Variants in ADAM8 observed in about 807,000 individuals in gnomAD.
ADAM8 encodes the protein disintegrin and metalloproteinase domain-containing protein 8.
Under a neutral mutation model 102.4 loss-of-function variants are expected in ADAM8, and 104 were observed. The observed-to-expected ratio is 1.02, with a 90% confidence interval of 0.87 to 1.20. The LOEUF is 1.20. ADAM8 is among the 50% of genes most tolerant of loss of function. ADAM8 has a pLI of 0.00. For synonymous variants in ADAM8, 517 were observed against 485.2 expected (o/e 1.07, Z -0.86); for missense variants, 1,132 against 1,159.0 (o/e 0.98, Z 0.34).
In ADAM8 at chr10:133,273,808, C is replaced by G. The variant is rs1469794620; in HGVS notation, c.337G>C (p.Gly113Arg). 1 of 1,549,332 alleles carries G rather than the reference C, an allele frequency of 6.5e-7. No homozygotes were observed. Among genetic ancestry groups the G allele is most frequent in the Non-Finnish European group, 8.7e-7 (1 of 1,146,838 alleles). Reference sequence around the variant, plus strand: ...AGGCTGGCGGCTGAGTCCGGGTACCCCTCTACGTGGCCCTGGTAGAAGCAG... The same window carrying G: ...AGGCTGGCGGCTGAGTCCGGGTACCGCTCTACGTGGCCCTGGTAGAAGCAG... ...DHCFYQGHVE[G>R]YPDSAASLST... The change falls in exon 5 of 23, where the codon GGG becomes CGG. Residue 113 changes from glycine to arginine, a missense_variant. Transcript: ENST00000445355.
chr10:133,271,706 C>A lies in ADAM8; in HGVS notation c.1107-1G>T, dbSNP rs1175332544. ...ACTGAACATCCTGGGGAAACTGGAG[C>A]TGGGGAGGCGGGGCAGCATTGGGGG... On this transcript the variant is annotated splice_acceptor_variant, in intron 11 of 22. Transcript: ENST00000445355. LOFTEE classifies it high-confidence loss of function. 3 of 1,579,468 alleles carry A rather than the reference C, an allele frequency of 1.9e-6. No homozygotes were observed. The Admixed American group carries it at 5.5e-5, about 29-fold the overall frequency.
intron 1 of ADAM8, among the ~76,000 whole-genome samples, chr10:133,276,392 G>T (rs907758223): frequency 6.6e-6 from 1 of 152,202 alleles, no homozygotes; most frequent in East Asian, 1.9e-4. Flanking sequence ...GCCTCAGCTT[G>T]TCTGCCCTCC....
intron 21 of ADAM8, among the ~76,000 whole-genome samples, chr10:133,265,813 A>T (rs558354564): frequency 1.6e-4 from 25 of 152,046 alleles, no homozygotes; most frequent in African/African-American, 5.5e-4. Flanking sequence ...AAAAAAAGAG[A>T]GAAAATCACT....
At chr10:133,272,092 C>T in intron 10 of ADAM8, 101 bp downstream of exon 10, 1 of 1,506,600 alleles carries the variant, frequency 6.6e-7, no homozygotes, top group Non-Finnish European at 9.0e-7. Flanking sequence ...TTAAACCTGG[C>T]CTGAGGGGAG....
chr10:133,263,043 C>G lies in ADAM8; in HGVS notation c.*113G>C, dbSNP rs751516230. 1.7e-5 allele frequency: 22 copies of G among 1,263,586 alleles called. No homozygotes were observed. In the South Asian group the frequency reaches 2.6e-4, roughly 15 times the overall value. 78.3% of individuals were successfully genotyped at this position (1,263,586 alleles called of 1,614,324 possible). On this transcript the variant is annotated 3_prime_UTR_variant, in exon 23 of 23. Coordinates refer to ENST00000445355, the MANE Select transcript of ADAM8 (RefSeq NM_001109.5). ...TCCTGAGGTTAGAACAGCAGCTGAG[C>G]CTGCAAAGTCAGGGTCTAGGGCTGA...
Position 133,274,211 on chromosome 10 carries a change from A to G in ADAM8, c.175T>C (p.Tyr59His). 6.3e-7 allele frequency: 1 copy of G among 1,580,934 alleles called. No individual in the cohort carries two copies. The highest frequency in any genetic ancestry group is 8.6e-7 in the Non-Finnish European group (1 of 1,163,230). Residue 59 changes from tyrosine (Y) to histidine (H), a missense_variant, in exon 3 of 23, where the codon TAC (tyrosine) becomes CAC (histidine). Coordinates refer to ENST00000445355, the MANE Select transcript of ADAM8 (RefSeq NM_001109.5). The stretch of plus-strand genomic sequence containing the variant: ...TTGTGCCCTGTGGCCCCAAGGACGT[A>G]GCTCACCCTCTCTGGGTGCAGGCCC... Reference protein sequence around the residue: ...HLGLHPERVSYVLGATGHNFT... With the variant: ...HLGLHPERVSHVLGATGHNFT...
At chr10:133,269,861 CTG>C in intron 17 of ADAM8, 34 bp downstream of exon 17, 3 of 1,608,964 alleles carry the variant, frequency 1.9e-6, no homozygotes, top group Non-Finnish European at 2.5e-6. Context: ...GCGGCAGCCT[CTG>C]TGCAGGGGCC....
Position 133,271,830 on chromosome 10 carries a change from C to T in ADAM8, c.1082G>A (p.Arg361His), listed in dbSNP as rs780594353. ...CCCAATGCTGCCCGCCATGATGCAG[C>T]GGCCGGCCTCGAAGCGTTCCTGGCA... ...CRCQERFEAG[R>H]CIMAGSIGSS... Residue 361 changes from arginine (R) to histidine (H), a missense_variant, in exon 11 of 23, where the codon CGC (arginine) becomes CAC (histidine). By Grantham distance (29) the Arg-to-His change is conservative. Transcript: ENST00000445355. 21 of 1,612,086 alleles carry T rather than the reference C, an allele frequency of 1.3e-5. No homozygotes were observed. Among genetic ancestry groups the T allele is most frequent in the Admixed American group, 1.0e-4 (6 of 59,996 alleles).
intron 2 of ADAM8, among the ~76,000 whole-genome samples, chr10:133,275,222 A>T (rs1846706205): frequency 6.6e-6 from 1 of 152,178 alleles, no homozygotes; most frequent in Admixed American, 6.5e-5. Flanking sequence ...CGCCAAGTGA[A>T]ACTGGGGAGG....
At chr10:133,269,628 C>A in intron 17 of ADAM8, 99 bp from the exon 18 acceptor site, 1 of 1,255,626 alleles carries the variant, frequency 8.0e-7, no homozygotes, top group Non-Finnish European at 1.1e-6. Flanking sequence ...AGCCCCACCC[C>A]CGAGGGCCCC....
At chr10:133,269,380 T>G in intron 18 of ADAM8, 65 bp downstream of exon 18, 1 of 1,412,092 alleles carries the variant, frequency 7.1e-7, no homozygotes, top group South Asian at 1.5e-5. Context: ...GGCTTCTGCC[T>G]GGGCTCTGTT....
At chr10:133,269,335 T>G in intron 18 of ADAM8, 110 bp downstream of exon 18, 1 of 1,294,656 alleles carries the variant, frequency 7.7e-7, no homozygotes, top group South Asian at 1.6e-5. Flanking sequence ...GGCAGCAAAC[T>G]GGCACCGTGA....
chr10:133,276,207 C>T (rs1846744854), intron 1 of ADAM8, among the ~76,000 whole-genome samples: 1 of 152,190 alleles, frequency 6.6e-6, no homozygotes, highest in African/African-American at 2.4e-5. Context: ...GGGGAGCAGC[C>T]AGCCCCTATC....
chr10:133,272,386 C>A, intron 9 of ADAM8, 30 bp downstream of exon 9: 1 of 1,488,494 alleles, frequency 6.7e-7, no homozygotes, highest in East Asian at 2.4e-5. Flanking sequence ...CTCCCCAGCC[C>A]TCCCCACCCT....
Position 133,270,919 on chromosome 10 carries a change from G to A in ADAM8, c.1526C>T (p.Pro509Leu), listed in dbSNP as rs547298427. The A allele has an allele frequency of 4.3e-6, 7 of 1,612,654 alleles. No individual in the cohort carries two copies. The African/African-American group carries it at 5.3e-5, about 12-fold the overall frequency. ...SGGYCYNGAC[P>L]TLAQQCQAFW... ...GGCCTGGCACTGCTGGGCCAGTGTGGGACAGGCCCCGTTGTAGCAGTAGCC... is the reference window on the plus strand; with the variant it reads ...GGCCTGGCACTGCTGGGCCAGTGTGAGACAGGCCCCGTTGTAGCAGTAGCC... The change falls in exon 14 of 23, where the codon CCC (proline) becomes CTC (leucine). Residue 509 changes from proline (P) to leucine (L), a missense_variant. Pro to Leu is a moderately conservative substitution (Grantham distance 98). Transcript: ENST00000445355.
In ADAM8 at chr10:133,270,903, C is replaced by G. The variant is rs146751529; in HGVS notation, c.1542G>C (p.Gln514His). ...YNGACPTLAQQCQAFWGPGGQ... is the reference protein window; with the variant it reads ...YNGACPTLAQHCQAFWGPGGQ... ...CACCTGGCCCCCAGAAGGCCTGGCA[C>G]TGCTGGGCCAGTGTGGGACAGGCCC... The change falls in exon 14 of 23, where the codon CAG becomes CAC. Residue 514 changes from glutamine (Q) to histidine (H), a missense_variant. Coordinates refer to ENST00000445355, the MANE Select transcript of ADAM8 (RefSeq NM_001109.5). 5.5e-5 allele frequency: 89 copies of G among 1,611,954 alleles called. No individual in the cohort carries two copies. In the African/African-American group the frequency reaches 1.1e-3, roughly 19 times the overall value.
chr10:133,273,346 G>A lies in ADAM8; in HGVS notation c.481C>T (p.Leu161=), dbSNP rs890194046. The A allele has an allele frequency of 1.9e-6, 3 of 1,569,376 alleles. No individual in the cohort carries two copies. Among genetic ancestry groups the A allele is most frequent in the Non-Finnish European group, 2.6e-6 (3 of 1,158,170 alleles). ...ACCCCGCAGGTCCCGGCCGTCTGCAGCAGGTGCTCAGCCTGGTACACGGCG... is the reference window on the plus strand; with the variant it reads ...ACCCCGCAGGTCCCGGCCGTCTGCAACAGGTGCTCAGCCTGGTACACGGCG... ...RHAVYQAEHL[L]QTAGTCGVSD... The change falls in exon 6 of 23, where the codon CTG becomes TTG. Residue 161 remains leucine (L), a synonymous_variant. Coordinates refer to ENST00000445355, the MANE Select transcript of ADAM8 (RefSeq NM_001109.5).
chr10:133,267,437 G>A lies in ADAM8; in HGVS notation c.2254-20C>T, dbSNP rs375332080. 13 of 1,599,956 alleles carry A rather than the reference G, an allele frequency of 8.1e-6. No individual in the cohort carries two copies. The highest frequency in any genetic ancestry group is 4.5e-5 in the East Asian group (2 of 44,390). On this transcript the variant is annotated intron_variant, in intron 20 of 22. Transcript: ENST00000445355. ...CGGAGGCTGGAGGAGACAGGGCCGAGAGCCTGGGTCAGAGCTGGGACCCCC... is the reference window on the plus strand; with the variant it reads ...CGGAGGCTGGAGGAGACAGGGCCGAAAGCCTGGGTCAGAGCTGGGACCCCC...
rs759853378 is a variant in ADAM8, at chr10:133,272,416, G to A, written c.875C>T (p.Thr292Met). The change falls in exon 9 of 23, where the codon ACG becomes ATG. Residue 292 changes from threonine to methionine, a missense_variant and splice_region_variant. By Grantham distance (81) the Thr-to-Met change is moderately conservative (BLOSUM62 -1). Transcript: ENST00000445355. Reference protein sequence around the residue: ...RHLHDNVQLITGVDFTGTTVG... With the variant: ...RHLHDNVQLIMGVDFTGTTVG... Reference sequence around the variant, plus strand: ...CACCCTGCCCGCTCCGCCAGCTCACGTGATGAGCTGTACGTTGTCATGCAG... The same window carrying A: ...CACCCTGCCCGCTCCGCCAGCTCACATGATGAGCTGTACGTTGTCATGCAG... The A allele has an allele frequency of 3.3e-5, 48 of 1,451,246 alleles. 1 individual carries two copies. The highest frequency in any genetic ancestry group is 5.6e-5 in the Admixed American group (3 of 53,600). The allele number at this position is 1,451,246 out of a possible 1,614,324, so 89.9% of individuals were successfully genotyped here.
Sources: gnomAD v4.1 joint callset for allele counts (sites outside exome capture counted in the v4.1 genomes callset) on GRCh38, gnomAD v4.1.1 for gene constraint, MANE v1.5 for transcripts, NCBI Gene and HGNC (gene_info 2026-07-23, HGNC 2026-07-21) for gene names.